LRP1B: variants seen among roughly 807,000 people sequenced by gnomAD.
LRP1B encodes low-density lipoprotein receptor-related protein 1B.
LRP1B carries 217 observed loss-of-function variants against 556.6 expected under a neutral mutation model. The ratio of observed to expected loss-of-function variants is 0.39; its 90% CI spans 0.35 to 0.44. The LOEUF (loss-of-function observed/expected upper bound fraction) is 0.44, where lower values mean the gene tolerates loss of function less well. Among genes scored for constraint, LRP1B ranks in the 20% least tolerant of loss-of-function variants. The probability of loss-of-function intolerance (pLI) is 1.00; values close to 1 mark genes in which losing one functional copy is unlikely to be tolerated. For synonymous variants in LRP1B, 2,047 were observed against 1,865.8 expected (o/e 1.10, Z -2.50); for missense variants, 5,053 against 5,620.8 (o/e 0.90, Z 3.23).
At position 141,301,534 on chromosome 2, in the gene LRP1B, T is replaced by A. The variant is rs181375670; in HGVS notation, c.344-46893A>T. ...TTCCATAGTAAATAGAGTGTCTCAA[T>A]GTGTCTCCAAGTCTATATAGCATCC... is the stretch of plus-strand genomic sequence containing the variant. On this transcript the variant is annotated intron_variant, in intron 3 of 90. Coordinates refer to ENST00000389484, the MANE Select transcript of LRP1B (RefSeq NM_018557.3). 3.2e-4 allele frequency among the ~76,000 whole-genome samples: 48 copies of A among 152,286 alleles called. No homozygotes were observed. The East Asian group carries it at 8.1e-3, about 26-fold the overall frequency.
Position 141,039,372 on chromosome 2 carries a change from T to A in LRP1B, c.1789+9614A>T, listed in dbSNP as rs541303535. Reference sequence around the variant, plus strand: ...GTCTCTTACTATGCCCATTTATAAATTAAATTTTATCACAGGTATGTGTGC... The same window carrying A: ...GTCTCTTACTATGCCCATTTATAAAATAAATTTTATCACAGGTATGTGTGC... On this transcript the variant is annotated intron_variant, in intron 11 of 90. Coordinates refer to ENST00000389484, the MANE Select transcript of LRP1B (RefSeq NM_018557.3). Among the ~76,000 whole-genome samples, 20 of 152,182 alleles carry A rather than the reference T, an allele frequency of 1.3e-4. No individual in the cohort carries two copies. The South Asian group carries it at 4.1e-3, about 32-fold the overall frequency.
intron 6 of LRP1B, among the ~76,000 whole-genome samples, chr2:141,209,303 G>T (rs1682439858): frequency 6.6e-6 from 1 of 152,044 alleles, no homozygotes; most frequent in Non-Finnish European, 1.5e-5. Flanking sequence ...GAGATCTGAT[G>T]GTTTCATAAA....
chr2:142,076,273 C>T (rs1278841885), intron 1 of LRP1B, among the ~76,000 whole-genome samples: 1 of 152,022 alleles, frequency 6.6e-6, no homozygotes, highest in African/African-American at 2.4e-5. Context: ...TGATACCTAT[C>T]TACATTTTAC....
intron 3 of LRP1B, among the ~76,000 whole-genome samples, chr2:141,429,481 A>AT (rs1680489095): frequency 1.3e-5 from 2 of 152,084 alleles, no homozygotes; most frequent in East Asian, 3.9e-4. Flanking sequence ...AACTGTTTTT[A>AT]TTTTTTTCCA....
intron 2 of LRP1B, among the ~76,000 whole-genome samples, chr2:141,668,981 C>A (rs538187595): frequency 6.6e-6 from 1 of 152,268 alleles, no homozygotes; most frequent in African/African-American, 2.4e-5. Context: ...CGTCACAATA[C>A]CCTTGTGATG....
chr2:141,757,755 T>C (rs1441899306), intron 2 of LRP1B, among the ~76,000 whole-genome samples: 1 of 152,052 alleles, frequency 6.6e-6, no homozygotes, highest in Non-Finnish European at 1.5e-5. Flanking sequence ...CAGGCTGATC[T>C]CATACTCCTG....
intron 35 of LRP1B, among the ~76,000 whole-genome samples, chr2:140,754,300 G>T (rs1688674109): frequency 6.6e-6 from 1 of 152,132 alleles, no homozygotes; most frequent in South Asian, 2.1e-4. Flanking sequence ...GCAAAGAAGA[G>T]CCCCTCTGGA....
chr2:141,844,811 A>G (rs1697589729), intron 1 of LRP1B, among the ~76,000 whole-genome samples: 1 of 151,966 alleles, frequency 6.6e-6, no homozygotes, highest in African/African-American at 2.4e-5. Context: ...GACATAATTC[A>G]ATTATTTTCT....
chr2:140,812,287 G>A (rs1336761828), intron 32 of LRP1B, among the ~76,000 whole-genome samples: 5 of 152,010 alleles, frequency 3.3e-5, no homozygotes, highest in Non-Finnish European at 1.5e-5. Flanking sequence ...TCACAACTTT[G>A]TGATATAGGC....
chr2:141,162,912 C>T (rs1299475605), intron 7 of LRP1B, among the ~76,000 whole-genome samples: 1 of 152,112 alleles, frequency 6.6e-6, no homozygotes, highest in Non-Finnish European at 1.5e-5. Flanking sequence ...TAGTATCTCA[C>T]TTTGAGCAAA....
chr2:140,683,609 G>A lies in LRP1B; in HGVS notation c.6799+16641C>T, dbSNP rs1685940263. The A allele has an allele frequency of 4.3e-6, 3 of 698,416 alleles. No individual in the cohort carries two copies. The Admixed American group carries it at 5.4e-5, about 13-fold the overall frequency. 43.3% of individuals were successfully genotyped at this position (698,416 alleles called of 1,614,324 possible). A position where few individuals can be genotyped will look rare whatever the true frequency, so the allele number is the denominator to read the frequency against. ...TGCCAGGCTGTTCCTTGGGTGGACA[G>A]TTTGTCCCTTCTCTCAGCTCCCAGG... On this transcript the variant is annotated intron_variant, in intron 41 of 90. Coordinates refer to ENST00000389484, the MANE Select transcript of LRP1B (RefSeq NM_018557.3).
rs561350615 is a variant in LRP1B, at chr2:140,546,752, G to A, written c.7195-4781C>T. The stretch of plus-strand genomic sequence containing the variant: ...ACTTGCCTTGTGCTGATTTTCAATC[G>A]GAATGCTTCCAGCTTTTGCCTATTC... On this transcript the variant is annotated intron_variant, in intron 43 of 90. Transcript: ENST00000389484. 4.1e-4 allele frequency among the ~76,000 whole-genome samples: 62 copies of A among 152,198 alleles called. No individual in the cohort carries two copies. The South Asian group carries it at 0.012, about 29-fold the overall frequency.
intron 3 of LRP1B, among the ~76,000 whole-genome samples, chr2:141,420,941 G>C (rs1021191981): frequency 1.3e-5 from 2 of 152,168 alleles, no homozygotes; most frequent in Non-Finnish European, 2.9e-5. Flanking sequence ...GTAAATTGGA[G>C]TGTTCTACCC....
intron 7 of LRP1B, among the ~76,000 whole-genome samples, chr2:141,129,766 C>G (rs1200380374): frequency 9.2e-6 from 1 of 108,216 alleles, no homozygotes; most frequent in Non-Finnish European, 1.9e-5. Context: ...CATATACTAA[C>G]AGCAATATCC....
chr2:140,854,062 A>T (rs200750546), intron 27 of LRP1B, among the ~76,000 whole-genome samples: 8,114 of 80,550 alleles, frequency 0.1, 244 homozygotes, highest in Non-Finnish European at 0.11. Flanking sequence ...TATCTGAATA[A>T]AAAAAAAAAA....
chr2:140,738,303 A>G (rs1450802628), intron 35 of LRP1B, among the ~76,000 whole-genome samples: 1 of 152,062 alleles, frequency 6.6e-6, no homozygotes, highest in Admixed American at 6.6e-5. Flanking sequence ...TCCCTTCTCT[A>G]AATTTCCTCA....
At chr2:141,622,128 T>A (rs930844465) in intron 2 of LRP1B, among the ~76,000 whole-genome samples, 9 of 152,160 alleles carry the variant, frequency 5.9e-5, no homozygotes, top group Non-Finnish European at 1.2e-4. Context: ...CGACCGCAGG[T>A]GATCTGCCAG....
At chr2:141,288,829 C>T (rs1685827556) in intron 3 of LRP1B, among the ~76,000 whole-genome samples, 1 of 152,186 alleles carries the variant, frequency 6.6e-6, no homozygotes, top group African/African-American at 2.4e-5. Context: ...CTGAAACTTC[C>T]CTTCATATTT....
At position 140,574,478 on chromosome 2, in the gene LRP1B, TA is replaced by T. The variant is rs759057312; in HGVS notation, c.7194+24152del. Among the ~76,000 whole-genome samples, 50 of 152,292 alleles carry T rather than the reference TA, an allele frequency of 3.3e-4. 1 individual carries two copies. Among genetic ancestry groups the T allele is most frequent in the Admixed American group, 4.6e-4 (7 of 15,294 alleles). On this transcript the variant is annotated intron_variant, in intron 43 of 90. Coordinates refer to ENST00000389484, the MANE Select transcript of LRP1B (RefSeq NM_018557.3). ...ATTTGCTCAGGGAAAAAAATATCCA[TA>T]ACTTAGTGATTGGAGGGTGTCAGTG...
Sources: gnomAD v4.1 joint callset for allele counts (sites outside exome capture counted in the v4.1 genomes callset) on GRCh38, gnomAD v4.1.1 for gene constraint, MANE v1.5 for transcripts, NCBI Gene and HGNC (gene_info 2026-07-23, HGNC 2026-07-21) for gene names.